Variants in URB2 observed in about 807,000 individuals in gnomAD.
The protein encoded by URB2 is URB2 ribosome biogenesis homolog.
A neutral mutation model predicts 120.9 loss-of-function variants in URB2; 86 were observed. The observed-to-expected ratio is 0.71, with a 90% CI of 0.60 to 0.85. The LOEUF (loss-of-function observed/expected upper bound fraction) is 0.85, where lower values mean the gene tolerates loss of function less well. Ranked by LOEUF, URB2 falls within the 40% of genes least tolerant of loss-of-function variation. The pLI is 0.00. For synonymous variants in URB2, 755 were observed against 758.4 expected, an observed-to-expected ratio of 1.00 and a Z score of 0.07; for missense variants, 1,765 against 1,836.5, an observed-to-expected ratio of 0.96 and a Z score of 0.71.
chr1:229,658,986 A>G (rs1305960662), intron 9 of URB2, 114 bp from the exon 10 acceptor site: 5 of 1,006,358 alleles, frequency 5.0e-6, no homozygotes, highest in East Asian at 2.4e-5. Flanking sequence ...TTTTTTCTCA[A>G]TTTGGAGGTC....
At chr1:229,653,992 G>C (rs1214866563) in intron 8 of URB2, among the ~76,000 whole-genome samples, 1 of 75,028 alleles carries the variant, frequency 1.3e-5, no homozygotes, top group African/African-American at 5.4e-5. Flanking sequence ...TAAAAATCTT[G>C]ATTACTTTTC....
intron 6 of URB2, 61 bp from the exon 7 acceptor site, chr1:229,647,449 G>A: frequency 2.5e-6 from 4 of 1,571,252 alleles, no homozygotes; most frequent in South Asian, 2.4e-5. Flanking sequence ...GAGCTGCAGT[G>A]TTTGTGTTAT....
intron 2 of URB2, among the ~76,000 whole-genome samples, chr1:229,630,253 T>C (rs962355615): frequency 5.3e-5 from 8 of 152,344 alleles, no homozygotes; most frequent in East Asian, 1.9e-4. Context: ...ATGGCACCTA[T>C]AGCATTAGGA....
intron 9 of URB2, among the ~76,000 whole-genome samples, chr1:229,656,761 T>A (rs966701593): frequency 2.0e-5 from 3 of 152,206 alleles, no homozygotes; most frequent in Non-Finnish European, 4.4e-5. Context: ...AGAGGCCCGC[T>A]TGTCTTCTTT....
Position 229,638,244 on chromosome 1 carries a change from G to A in URB2, c.3631G>A (p.Ala1211Thr), listed in dbSNP as rs1311873364. The A allele has an allele frequency of 6.3e-7, 1 of 1,592,752 alleles. No individual in the cohort carries two copies. Among genetic ancestry groups the A allele is most frequent in the Non-Finnish European group, 8.5e-7 (1 of 1,169,966 alleles). Residue 1211 changes from alanine (A) to threonine (T), a missense_variant, in exon 4 of 10, where the codon GCA becomes ACA. Coordinates refer to ENST00000258243, the MANE Select transcript of URB2 (RefSeq NM_014777.4). Reference sequence around the variant, plus strand: ...GTTTCATTCTGTGAGAAGAGTTCTTGCAGGTAAGATATTTTCTCTTGAGCT... The same window carrying A: ...GTTTCATTCTGTGAGAAGAGTTCTTACAGGTAAGATATTTTCTCTTGAGCT... ...SMFHSVRRVLADPEIPVQVTQ... is the reference protein window; with the variant it reads ...SMFHSVRRVLTDPEIPVQVTQ...
At chr1:229,651,109 C>A in intron 7 of URB2, 126 bp from the exon 8 acceptor site, 1 of 757,246 alleles carries the variant, frequency 1.3e-6, no homozygotes, top group Non-Finnish European at 2.0e-6. Context: ...TATCCCTGGG[C>A]ACACACAACT....
At chr1:229,647,960 G>T (rs1035484385) in intron 7 of URB2, among the ~76,000 whole-genome samples, 2 of 152,132 alleles carry the variant, frequency 1.3e-5, no homozygotes, top group Non-Finnish European at 2.9e-5. Context: ...GTTTGTGAGC[G>T]AGTTTTTCTT....
rs200840694 is a variant in URB2, at chr1:229,659,136, G to C, written c.4414G>C (p.Glu1472Gln). Residue 1472 changes from glutamate to glutamine, a missense_variant, in exon 10 of 10, where the codon GAG becomes CAG. Transcript: ENST00000258243. ...TCCAGCTGTGAAAAGTCTGCTGCAGGAGGGCATTTACCTCATCCTGGACCT... is the reference window on the plus strand; with the variant it reads ...TCCAGCTGTGAAAAGTCTGCTGCAGCAGGGCATTTACCTCATCCTGGACCT... ...LYPAVKSLLQ[E>Q]GIYLILDLCI... The C allele has an allele frequency of 4.2e-5, 67 of 1,612,502 alleles. No individual in the cohort carries two copies. In the Admixed American group the frequency reaches 8.3e-4, roughly 20 times the overall value.
chr1:229,638,502 C>T (rs544602875), intron 4 of URB2, among the ~76,000 whole-genome samples: 2 of 152,046 alleles, frequency 1.3e-5, no homozygotes, highest in East Asian at 1.9e-4. Context: ...AATAATTAGC[C>T]GGGTGTGGTG....
At chr1:229,630,410 ATCT>A (rs1467677231) in intron 2 of URB2, among the ~76,000 whole-genome samples, 6 of 152,224 alleles carry the variant, frequency 3.9e-5, no homozygotes, top group African/African-American at 1.4e-4. Context: ...AAGAGCAGTA[ATCT>A]TCTTATAGGA....
chr1:229,635,378 G>A lies in URB2; in HGVS notation c.765G>A (p.Lys255=), dbSNP rs577701673. The change falls in exon 4 of 10, where the codon AAG becomes AAA. Residue 255 remains lysine (K), a synonymous_variant. Coordinates refer to ENST00000258243, the MANE Select transcript of URB2 (RefSeq NM_014777.4). The part of the protein sequence containing the change: ...IFQPELLSSY[K]EGLLDQQQGD... ...AGCCTGAGCTACTGTCATCCTACAAGGAGGGGCTCTTGGACCAGCAGCAAG... is the reference window on the plus strand; with the variant it reads ...AGCCTGAGCTACTGTCATCCTACAAAGAGGGGCTCTTGGACCAGCAGCAAG... The A allele has an allele frequency of 1.9e-6, 3 of 1,614,142 alleles. No homozygotes were observed. The highest frequency in any genetic ancestry group is 1.3e-5 in the African/African-American group (1 of 75,060).
intron 7 of URB2, among the ~76,000 whole-genome samples, chr1:229,648,166 A>G (rs1370963260): frequency 6.6e-6 from 1 of 152,236 alleles, no homozygotes; most frequent in African/African-American, 2.4e-5. Context: ...ATTTAAAATT[A>G]TTGCATAAAG....
In URB2 at chr1:229,651,264, G is replaced by A; in HGVS notation, c.4179G>A (p.Leu1393=). The change falls in exon 8 of 10, where the codon TTG becomes TTA. Residue 1393 remains leucine, a synonymous_variant. Transcript: ENST00000258243. ...KVMLKAIPSF[L]NSFNRLVFSV... ...TGCTGAAAGCCATCCCTTCTTTCTTGAACTCTTTCAATAGATTGGTGTTTT... is the reference window on the plus strand; with the variant it reads ...TGCTGAAAGCCATCCCTTCTTTCTTAAACTCTTTCAATAGATTGGTGTTTT... 6.2e-7 allele frequency: 1 copy of A among 1,611,348 alleles called. No homozygotes were observed. The highest frequency in any genetic ancestry group is 8.5e-7 in the Non-Finnish European group (1 of 1,178,980).
chr1:229,640,615 G>A (rs529182579), intron 4 of URB2, among the ~76,000 whole-genome samples: 1 of 152,226 alleles, frequency 6.6e-6, no homozygotes, highest in South Asian at 2.1e-4. Flanking sequence ...GGCCACGGGC[G>A]TGCCTTTCGG....
At chr1:229,628,240 TTATACA>T (rs1665578100) in intron 2 of URB2, among the ~76,000 whole-genome samples, 1 of 145,510 alleles carries the variant, frequency 6.9e-6, no homozygotes, top group African/African-American at 2.5e-5. Context: ...TGTATATATA[TTATACA>T]TATACATATT....
At position 229,642,370 on chromosome 1, in the gene URB2, A is replaced by G. The variant is rs1036606703; in HGVS notation, c.3635-1163A>G. Among the ~76,000 whole-genome samples the G allele has an allele frequency of 3.3e-5, 5 of 152,162 alleles. No homozygotes were observed. The South Asian group carries it at 6.2e-4, about 19-fold the overall frequency. On this transcript the variant is annotated intron_variant, in intron 4 of 9. Transcript: ENST00000258243. The stretch of plus-strand genomic sequence containing the variant: ...GAGGGAGTTGAGGTTCAGAGAGATC[A>G]TGGGTCCAGGGTTTTACAGCTTGTG...
chr1:229,647,011 G>T (rs1410902839), intron 6 of URB2, among the ~76,000 whole-genome samples: 2 of 152,220 alleles, frequency 1.3e-5, no homozygotes, highest in African/African-American at 4.8e-5. Context: ...AGCATGTGTG[G>T]TGAGCATCAG....
intron 2 of URB2, among the ~76,000 whole-genome samples, chr1:229,628,402 G>A (rs1665585989): frequency 6.6e-6 from 1 of 151,652 alleles, no homozygotes; most frequent in South Asian, 2.1e-4. Flanking sequence ...CAGCCTGGGC[G>A]ATAGAGCAAG....
chr1:229,654,842 CAGT>C, intron 9 of URB2, among the ~76,000 whole-genome samples: 1 of 152,322 alleles, frequency 6.6e-6, no homozygotes, highest in East Asian at 1.9e-4. Flanking sequence ...ACAGAGGGCT[CAGT>C]GGTGCCTTGT....
Sources: gnomAD v4.1 joint callset for allele counts (sites outside exome capture counted in the v4.1 genomes callset) on GRCh38, gnomAD v4.1.1 for gene constraint, MANE v1.5 for transcripts, NCBI Gene and HGNC (gene_info 2026-07-23, HGNC 2026-07-21) for gene names.